The following STK4 variants were observed in gnomAD, a reference collection of about 807,000 sequenced individuals.
The protein encoded by STK4 is serine/threonine kinase 4.
STK4 carries 30 observed loss-of-function variants against 64.9 expected under a neutral mutation model. That is an observed-to-expected ratio of 0.46 (90% CI 0.35 to 0.63). The LOEUF (loss-of-function observed/expected upper bound fraction) is 0.63, where lower values mean the gene tolerates loss of function less well. Among genes scored for constraint, STK4 ranks in the 20% least tolerant of loss-of-function variants. The pLI is 0.01. For synonymous variants in STK4, 177 were observed against 199.0 expected (o/e 0.89, Z 0.93); for missense variants, 466 against 598.5 (o/e 0.78, Z 2.31).
chr20:45,013,623 T>G (rs1441440400), intron 9 of STK4, among the ~76,000 whole-genome samples: 2 of 152,206 alleles, frequency 1.3e-5, no homozygotes, highest in Admixed American at 6.5e-5. Context: ...GTTATATCAA[T>G]TCTTTGTTAT....
At chr20:45,040,862 A>G (rs1318430536) in intron 10 of STK4, among the ~76,000 whole-genome samples, 1 of 152,126 alleles carries the variant, frequency 6.6e-6, no homozygotes, top group South Asian at 2.1e-4. Flanking sequence ...CCACATCTGT[A>G]ATCCTTTCCC....
At chr20:44,994,969 G>T in intron 5 of STK4, 121 bp from the exon 6 acceptor site, 1 of 850,194 alleles carries the variant, frequency 1.2e-6, no homozygotes, top group Non-Finnish European at 1.6e-6. Flanking sequence ...TTTTATTGTT[G>T]GAAAAGCCTC....
chr20:45,053,232 T>C, intron 10 of STK4: 2 of 1,461,250 alleles, frequency 1.4e-6, no homozygotes, highest in South Asian at 2.3e-5. Context: ...GTTCTGCTGG[T>C]GGATCGTGCT....
intron 5 of STK4, 73 bp from the exon 6 acceptor site, chr20:44,995,017 C>A (rs6017460): frequency 3.9e-4 from 415 of 1,062,100 alleles, no homozygotes; most frequent in East Asian, 1.5e-3. Context: ...TTCTTTTTTT[C>A]TCTGTAGACT....
chr20:45,009,658 T>A (rs997286537), intron 9 of STK4, among the ~76,000 whole-genome samples: 9 of 152,354 alleles, frequency 5.9e-5, no homozygotes, highest in African/African-American at 2.2e-4. Context: ...ATTCTTCCTA[T>A]CCGTGAGCAT....
At chr20:45,063,552 CCCTTGATAGTTTA>C (rs1232637349) in intron 10 of STK4, among the ~76,000 whole-genome samples, 2 of 152,118 alleles carry the variant, frequency 1.3e-5, no homozygotes, top group Non-Finnish European at 2.9e-5. Context: ...TCTGTTTACT[CCCTTGATAGTTTA>C]CCTCTTGCTG....
intron 9 of STK4, among the ~76,000 whole-genome samples, chr20:45,016,099 A>T (rs1233261110): frequency 6.6e-6 from 1 of 152,200 alleles, no homozygotes; most frequent in African/African-American, 2.4e-5. Context: ...CAGTTTCAGT[A>T]ACATTTTACC....
intron 4 of STK4, among the ~76,000 whole-genome samples, chr20:44,985,894 A>G (rs1433403197): frequency 6.6e-6 from 1 of 152,126 alleles, no homozygotes; most frequent in African/African-American, 2.4e-5. Flanking sequence ...ACCAGAGCAC[A>G]CTCCATTTCA....
intron 10 of STK4, among the ~76,000 whole-genome samples, chr20:45,066,187 C>CACACAG (rs1281967190): frequency 1.4e-5 from 2 of 147,344 alleles, no homozygotes; most frequent in Non-Finnish European, 3.0e-5. Flanking sequence ...TATCTACACA[C>CACACAG]ACACACACAC....
chr20:45,047,448 A>C (rs2068714052), intron 10 of STK4, among the ~76,000 whole-genome samples: 2 of 152,250 alleles, frequency 1.3e-5, no homozygotes, highest in Admixed American at 1.3e-4. Flanking sequence ...TAACATGTGC[A>C]GCCCTTAGCG....
chr20:44,968,689 A>G (rs922458442), intron 1 of STK4, among the ~76,000 whole-genome samples: 1 of 152,204 alleles, frequency 6.6e-6, no homozygotes, highest in Non-Finnish European at 1.5e-5. Flanking sequence ...ATCTTGAGCA[A>G]AGGACTAAAG....
chr20:45,006,345 C>T (rs2067945112), intron 9 of STK4, among the ~76,000 whole-genome samples: 1 of 151,666 alleles, frequency 6.6e-6, no homozygotes, highest in African/African-American at 2.4e-5. Flanking sequence ...CGTCATCCTC[C>T]TACCTCAGTC....
At chr20:44,978,320 A>C (rs952725009) in intron 2 of STK4, 123 bp from the exon 3 acceptor site, 2 of 1,172,474 alleles carry the variant, frequency 1.7e-6, no homozygotes, top group Non-Finnish European at 2.3e-6. Context: ...TTAGTTTTGC[A>C]AGTGTATATG....
In STK4 at chr20:45,075,278, TC is replaced by T; in HGVS notation, c.*104del. The T allele has an allele frequency of 6.9e-7, 1 of 1,450,414 alleles. No individual in the cohort carries two copies. Among genetic ancestry groups the T allele is most frequent in the Non-Finnish European group, 9.2e-7 (1 of 1,081,920 alleles). 89.8% of individuals were successfully genotyped at this position (1,450,414 alleles called of 1,614,324 possible). On this transcript the variant is annotated 3_prime_UTR_variant, in exon 11 of 11. Coordinates refer to ENST00000372806, the MANE Select transcript of STK4 (RefSeq NM_006282.5). ...GCCAGCACTTCTGCTCTGTCGTCTC[TC>T]CACAGCACCTTTGTGAACTCAGGAA... is the stretch of plus-strand genomic sequence containing the variant.
intron 10 of STK4, among the ~76,000 whole-genome samples, chr20:45,039,781 G>C (rs6031947): frequency 2.0e-5 from 3 of 152,250 alleles, no homozygotes; most frequent in African/African-American, 7.2e-5. Context: ...ACTGTAGCCA[G>C]TGACTGTAAA....
intron 9 of STK4, 35 bp from the exon 10 acceptor site, chr20:45,024,938 G>A (rs1344380276): frequency 1.3e-6 from 2 of 1,515,266 alleles, no homozygotes; most frequent in Non-Finnish European, 1.8e-6. Flanking sequence ...AATTTAGAAT[G>A]TTTCTTTTCA....
intron 10 of STK4, among the ~76,000 whole-genome samples, chr20:45,054,567 T>C (rs1363798341): frequency 6.7e-6 from 1 of 149,500 alleles, no homozygotes; most frequent in Admixed American, 6.6e-5. Context: ...ATCTTTTTTT[T>C]TTTTTTTTTT....
chr20:44,989,152 A>G (rs532873192), intron 5 of STK4, among the ~76,000 whole-genome samples: 1 of 152,196 alleles, frequency 6.6e-6, no homozygotes, highest in Admixed American at 6.5e-5. Flanking sequence ...GCTGGATCAC[A>G]TGGTAACTCT....
intron 9 of STK4, among the ~76,000 whole-genome samples, chr20:45,019,537 C>T (rs2068205784): frequency 6.6e-6 from 1 of 152,162 alleles, no homozygotes; most frequent in African/African-American, 2.4e-5. Context: ...GAATTCACTG[C>T]TTTGTCTGTA....
Sources: allele counts gnomAD v4.1 joint callset (sites outside exome capture counted in the v4.1 genomes callset), GRCh38; gene constraint gnomAD v4.1.1; transcripts MANE v1.5; gene names NCBI Gene and HGNC (gene_info 2026-07-23, HGNC 2026-07-21).